The following DMXL2 variants were observed in gnomAD, a reference collection of about 807,000 sequenced individuals.
DMXL2 encodes the protein Dmx like 2.
A neutral mutation model predicts 331.1 loss-of-function variants in DMXL2; 103 were observed. The ratio of observed to expected loss-of-function variants is 0.31; its 90% CI spans 0.27 to 0.37. The LOEUF (loss-of-function observed/expected upper bound fraction) is 0.37. Among genes scored for constraint, DMXL2 ranks in the 10% least tolerant of loss-of-function variants. The pLI is 1.00. For missense variants in DMXL2, 3,171 were observed against 3,642.9 expected, an observed-to-expected ratio of 0.87 and a Z score of 3.33; for synonymous variants, 1,281 against 1,252.1, an observed-to-expected ratio of 1.02 and a Z score of -0.49.
chr15:51,511,096 G>A (rs1466734481), intron 15 of DMXL2, among the ~76,000 whole-genome samples: 1 of 152,168 alleles, frequency 6.6e-6, no homozygotes, highest in Non-Finnish European at 1.5e-5. Flanking sequence ...AACCCTAGAA[G>A]AAAACCTAGG....
intron 29 of DMXL2, among the ~76,000 whole-genome samples, chr15:51,468,695 T>G (rs28878886): frequency 0.46 from 70,389 of 152,058 alleles, 16,922 homozygotes; most frequent in Non-Finnish European, 0.53. Flanking sequence ...TTATCATAAT[T>G]TAAAACTTTC....
At chr15:51,453,503 A>ACT (rs1311241454) in intron 41 of DMXL2, 47 bp downstream of exon 41, 1 of 1,432,324 alleles carries the variant, frequency 7.0e-7, no homozygotes, top group African/African-American at 1.4e-5. Flanking sequence ...AAAGGTATGG[A>ACT]TTTCTAACGT....
intron 26 of DMXL2, 28 bp from the exon 27 acceptor site, chr15:51,476,747 C>T: frequency 6.4e-7 from 1 of 1,572,056 alleles, no homozygotes; most frequent in Non-Finnish European, 8.6e-7. Context: ...AGTTATTTAT[C>T]ATCCTGAGAG....
chr15:51,494,937 C>T (rs1295174842), intron 19 of DMXL2, 87 bp downstream of exon 19: 4 of 888,532 alleles, frequency 4.5e-6, no homozygotes, highest in South Asian at 1.6e-5. Context: ...TAATGACTTA[C>T]CTAATGTTTA....
In DMXL2 at chr15:51,552,271, G is replaced by A. The variant is rs564606889; in HGVS notation, c.568-4863C>T. On this transcript the variant is annotated intron_variant, in intron 6 of 43. Coordinates refer to ENST00000560891, the MANE Select transcript of DMXL2 (RefSeq NM_001378457.1). ...ATTAAAAGGTGGTGAAAAGGAGAAC[G>A]GCATGTTCAGGTGGCTGGCTCCTGT... 3.1e-4 allele frequency among the ~76,000 whole-genome samples: 46 copies of A among 148,738 alleles called. 1 individual carries two copies. In the East Asian group the frequency reaches 8.9e-3, roughly 29 times the overall value.
At chr15:51,471,447 T>C (rs1388505414) in intron 28 of DMXL2, 46 bp from the exon 29 acceptor site, 7 of 1,529,888 alleles carry the variant, frequency 4.6e-6, no homozygotes, top group Non-Finnish European at 6.2e-6. Context: ...TCATTTTCCA[T>C]TGTTAATTGA....
intron 9 of DMXL2, 134 bp downstream of exon 9, chr15:51,542,199 T>A: frequency 1.2e-6 from 1 of 840,340 alleles, no homozygotes; most frequent in South Asian, 1.9e-5. Flanking sequence ...GTACTTTATA[T>A]TATATCTCTA....
rs545212511 is a variant in DMXL2, at chr15:51,604,743, C to T, written c.87+17716G>A. Among the ~76,000 whole-genome samples, 249 of 151,870 alleles carry T rather than the reference C, an allele frequency of 1.6e-3. 1 individual carries two copies. The highest frequency in any genetic ancestry group is 5.8e-3 in the African/African-American group (242 of 41,440). On this transcript the variant is annotated intron_variant, in intron 1 of 43. Coordinates refer to ENST00000560891, the MANE Select transcript of DMXL2 (RefSeq NM_001378457.1). ...TTTTTGTAGCTATGGACAAACTGAT[C>T]CTAAAATTTAAATGGAAAGGTAAAG... is the stretch of plus-strand genomic sequence containing the variant.
chr15:51,491,742 A>C lies in DMXL2; in HGVS notation c.4789T>G (p.Ser1597Ala), dbSNP rs777393365. 4.4e-6 allele frequency: 7 copies of C among 1,592,172 alleles called. No individual in the cohort carries two copies. Among genetic ancestry groups the C allele is most frequent in the African/African-American group, 1.4e-5 (1 of 73,260 alleles). The change falls in exon 20 of 44, where the codon TCT (serine) becomes GCT (alanine). Residue 1597 changes from serine (S) to alanine (A), a missense_variant. Coordinates refer to ENST00000560891, the MANE Select transcript of DMXL2 (RefSeq NM_001378457.1). ...AAAGCCCAGGCAAAATGGCATGTAG[A>C]GACACCTAAATTGGAAATATAAAAT... ...YRVQLLHQGV[S>A]TCHFAWAFHS... is the part of the protein sequence containing the mutation.
chr15:51,560,146 TAAAA>T (rs908641883), intron 6 of DMXL2, among the ~76,000 whole-genome samples: 19 of 152,148 alleles, frequency 1.2e-4, no homozygotes, highest in African/African-American at 4.6e-4. Context: ...TAGGAGAAAA[TAAAA>T]AAGAATACTT....
rs565913206 is a variant in DMXL2 at position 51,511,689 on chromosome 15, G to A, written c.2644+2753C>T. On this transcript the variant is annotated intron_variant, in intron 15 of 43. Transcript: ENST00000560891. Reference sequence around the variant, plus strand: ...ATTTGACCCAGCAATCCCATTACTGGGTATATACCCAAAGGATTATAAATC... The same window carrying A: ...ATTTGACCCAGCAATCCCATTACTGAGTATATACCCAAAGGATTATAAATC... Among the ~76,000 whole-genome samples, 19 of 152,176 alleles carry A rather than the reference G, an allele frequency of 1.2e-4. No homozygotes were observed. The East Asian group carries it at 3.7e-3, about 29-fold the overall frequency.
In DMXL2 at chr15:51,465,578, GT is replaced by G; in HGVS notation, c.7593del (p.Leu2532TrpfsTer8). ...ATTCCAAACTCACCAGAGAATTCCA[GT>G]CCAGCAATAGGAAAGAAATTCTTGA... ...HNVKNFFPIA[G>X]LEFSELPVTS... is the part of the protein sequence containing the mutation. On this transcript the variant is annotated frameshift_variant, in exon 31 of 44. Transcript: ENST00000560891. LOFTEE classifies it high-confidence loss of function. 6.3e-7 allele frequency: 1 copy of G among 1,599,272 alleles called. No homozygotes were observed. Among genetic ancestry groups the G allele is most frequent in the Non-Finnish European group, 8.5e-7 (1 of 1,172,764 alleles).
chr15:51,495,129 C>A lies in DMXL2; in HGVS notation c.4678G>T (p.Asp1560Tyr). Residue 1560 changes from aspartate (D) to tyrosine (Y), a missense_variant, in exon 19 of 44, where the codon GAT (aspartate) becomes TAT (tyrosine). By Grantham distance (160) the Asp-to-Tyr change is radical. Around this residue, in one of 7 missense-constraint regions of DMXL2, gnomAD observed 252 missense variants for 387.4 expected, o/e 0.65. Transcript: ENST00000560891. ...ESRDKSCSGRDTLDECGLRYL... is the reference protein window; with the variant it reads ...ESRDKSCSGRYTLDECGLRYL... The stretch of plus-strand genomic sequence containing the variant: ...CTCAAACCACACTCATCTAATGTAT[C>A]TCTTCCTGTAATTTAAACAGGAAAT... 6.2e-7 allele frequency: 1 copy of A among 1,606,334 alleles called. No homozygotes were observed. The highest frequency in any genetic ancestry group is 8.5e-7 in the Non-Finnish European group (1 of 1,173,956).
intron 5 of DMXL2, among the ~76,000 whole-genome samples, chr15:51,563,761 G>A (rs1056106711): frequency 9.2e-5 from 14 of 151,918 alleles, no homozygotes; most frequent in East Asian, 1.9e-4. Context: ...ACTAGTCTTC[G>A]TCACATAATC....
At chr15:51,543,751 A>T (rs1315135789) in intron 8 of DMXL2, among the ~76,000 whole-genome samples, 1 of 152,172 alleles carries the variant, frequency 6.6e-6, no homozygotes, top group Non-Finnish European at 1.5e-5. Flanking sequence ...CTATCTTAAC[A>T]TATTAATTAA....
At chr15:51,614,263 G>T (rs868198301) in intron 1 of DMXL2, among the ~76,000 whole-genome samples, 1 of 152,096 alleles carries the variant, frequency 6.6e-6, no homozygotes, top group African/African-American at 2.4e-5. Context: ...CCAAACTCCA[G>T]AACTGTGAGG....
chr15:51,601,370 T>C (rs1223159240), intron 1 of DMXL2, among the ~76,000 whole-genome samples: 1 of 152,044 alleles, frequency 6.6e-6, no homozygotes, highest in African/African-American at 2.4e-5. Flanking sequence ...TCTACATGTA[T>C]TCCTCTGAAT....
intron 15 of DMXL2, among the ~76,000 whole-genome samples, chr15:51,511,742 T>C (rs1441566531): frequency 1.3e-5 from 2 of 152,204 alleles, no homozygotes; most frequent in African/African-American, 2.4e-5. Flanking sequence ...CATGCACATG[T>C]ATGTTTATCG....
chr15:51,498,649 G>T lies in DMXL2; in HGVS notation c.4575C>A (p.Gly1525=). ...GGAACATCTGCTCCAAACGGGTAAG[G>T]CCTGGTAGACTTGAGTGCATAAGAT... The part of the protein sequence containing the change: ...SSHLMHSSLP[G]LTRLEQMFLV... Residue 1525 remains glycine (G), a synonymous_variant, in exon 18 of 44, where the codon GGC becomes GGA. Coordinates refer to ENST00000560891, the MANE Select transcript of DMXL2 (RefSeq NM_001378457.1). The T allele has an allele frequency of 6.2e-7, 1 of 1,614,148 alleles. No homozygotes were observed.
Sources: allele counts gnomAD v4.1 joint callset (sites outside exome capture counted in the v4.1 genomes callset), GRCh38; gene constraint gnomAD v4.1.1; regional missense constraint gnomAD v4.1.1; transcripts MANE v1.5; gene names NCBI Gene and HGNC (gene_info 2026-07-23, HGNC 2026-07-21).